The following ABCB9 variants were observed in gnomAD, a reference collection of about 807,000 sequenced individuals.
ABCB9 encodes the protein ABC-type oligopeptide transporter ABCB9.
Under a neutral mutation model 62.0 loss-of-function variants are expected in ABCB9, and 36 were observed. The ratio of observed to expected loss-of-function variants is 0.58; its 90% CI spans 0.45 to 0.77. The LOEUF is 0.77. Among genes scored for constraint, ABCB9 ranks in the 30% least tolerant of loss-of-function variants. The pLI, the probability that ABCB9 is intolerant of heterozygous loss-of-function variation, is 0.00. For synonymous variants in ABCB9, 435 were observed against 461.4 expected (o/e 0.94, Z 0.73); for missense variants, 943 against 1,054.7 (o/e 0.89, Z 1.47).
At chr12:122,934,430 C>T (rs944236479) in intron 10 of ABCB9, among the ~76,000 whole-genome samples, 7 of 151,936 alleles carry the variant, frequency 4.6e-5, no homozygotes, top group African/African-American at 1.4e-4. Flanking sequence ...TACAATGGCT[C>T]ATGCCTGTAA....
chr12:122,924,771 C>T, downstream of ABCB9: 1 of 1,534,640 alleles, frequency 6.5e-7, no homozygotes, highest in Non-Finnish European at 8.7e-7. Context: ...GTTCCCAAAG[C>T]CCTCGACTGC....
At chr12:122,939,056 C>T (rs1017778088) in intron 9 of ABCB9, among the ~76,000 whole-genome samples, 5 of 151,890 alleles carry the variant, frequency 3.3e-5, no homozygotes, top group Non-Finnish European at 7.4e-5. Flanking sequence ...CCTGTAATCC[C>T]AGCTACTAGG....
At position 122,932,479 on chromosome 12, in the gene ABCB9, C is replaced by CA. The variant is rs2035231955; in HGVS notation, c.1904-152dup. On this transcript the variant is annotated intron_variant, in intron 10 of 11. Transcript: ENST00000280560. The surrounding 1 kb of genome is among the most constrained non-coding windows in gnomAD (Gnocchi z 4.7). ...GAAATGATGTTCCCCCCACCCAACTCATAAGGGGCATGCAGATTAAGCCTA... is the reference window on the plus strand; with the variant it reads ...GAAATGATGTTCCCCCCACCCAACTCAATAAGGGGCATGCAGATTAAGCCTA... 8.6e-6 allele frequency: 9 copies of CA among 1,047,220 alleles called. No homozygotes were observed. In the East Asian group the frequency reaches 2.4e-4, roughly 28 times the overall value. 64.9% of individuals were successfully genotyped at this position (1,047,220 alleles called of 1,614,324 possible).
chr12:122,974,301 G>A (rs964490719), intron 1 of ABCB9, among the ~76,000 whole-genome samples: 1 of 152,130 alleles, frequency 6.6e-6, no homozygotes. Context: ...ACTGTAAAAC[G>A]TTAAACACCT....
chr12:122,958,700 G>A (rs927911532), intron 2 of ABCB9, among the ~76,000 whole-genome samples: 2 of 151,994 alleles, frequency 1.3e-5, no homozygotes, highest in African/African-American at 2.4e-5. Flanking sequence ...TTAATTAGCT[G>A]GGTGTGGTGC....
rs1053541057 is a variant in ABCB9, at chr12:122,964,543, G to A, written c.-88+1744C>T. ...GCAGAGTGGACTCCAGCCCCGGGTC[G>A]GGTTACAGTCCTCGGTGGGGACAGT... On this transcript the variant is annotated intron_variant, in intron 1 of 11. Transcript: ENST00000280560. This position sits in a 1 kb window ranked among gnomAD's most constrained non-coding sequence, Gnocchi z 4.7. Among the ~76,000 whole-genome samples the A allele has an allele frequency of 9.2e-5, 14 of 152,186 alleles. No individual in the cohort carries two copies. The highest frequency in any genetic ancestry group is 1.3e-4 in the Non-Finnish European group (9 of 68,030).
downstream of ABCB9, chr12:122,924,723 G>A: frequency 6.5e-7 from 1 of 1,532,226 alleles, no homozygotes; most frequent in Non-Finnish European, 8.7e-7. Context: ...TCTCATCCCT[G>A]CTTGTTTTCC....
At chr12:122,921,731 C>G (rs574901789) in intron 11 of ABCB9, among the ~76,000 whole-genome samples, 7 of 152,062 alleles carry the variant, frequency 4.6e-5, no homozygotes, top group Middle Eastern at 3.4e-3. Context: ...GAGCGGAGAT[C>G]GCGCCACTGC....
At chr12:122,942,350 G>A (rs973155986) in intron 7 of ABCB9, among the ~76,000 whole-genome samples, 1 of 152,060 alleles carries the variant, frequency 6.6e-6, no homozygotes, top group Non-Finnish European at 1.5e-5. Context: ...CACTTTGGGA[G>A]GCGGAGGCAG....
chr12:122,924,998 C>T (rs2034851723), downstream of ABCB9, among the ~76,000 whole-genome samples: 1 of 152,132 alleles, frequency 6.6e-6, no homozygotes, highest in Admixed American at 6.5e-5. Context: ...CTCACCACAA[C>T]CTCCACCTTC....
At chr12:122,926,243 AAAC>A (rs2034901981), downstream of ABCB9, among the ~76,000 whole-genome samples, 1 of 152,156 alleles carries the variant, frequency 6.6e-6, no homozygotes, top group Non-Finnish European at 1.5e-5. Context: ...GCTGCAATAA[AAAC>A]AATTTTAAAA....
chr12:122,923,696 G>A (rs915203652), intron 11 of ABCB9, among the ~76,000 whole-genome samples: 3 of 152,152 alleles, frequency 2.0e-5, no homozygotes, highest in Non-Finnish European at 2.9e-5. Flanking sequence ...AATACCACAC[G>A]TTTCCCACAA....
chr12:122,934,281 C>T (rs2035343431), intron 10 of ABCB9, among the ~76,000 whole-genome samples: 1 of 152,150 alleles, frequency 6.6e-6, no homozygotes, highest in African/African-American at 2.4e-5. Context: ...CTATAGTCAA[C>T]AGGTCTCTTG....
In ABCB9 at chr12:122,932,323, CT is replaced by C; in HGVS notation, c.1908del (p.Glu638ArgfsTer43). 6.4e-7 allele frequency: 1 copy of C among 1,550,810 alleles called. No individual in the cohort carries two copies. The highest frequency in any genetic ancestry group is 8.7e-7 in the Non-Finnish European group (1 of 1,146,832). ...MELQDGYSTE[T>X]GEKGAQLSGG... ...CCTGACAGCTGGGCGCCCTTCTCCC[CT>C]GTCTCTGTATGGTGGAGGCACAGAG... On this transcript the variant is annotated frameshift_variant, in exon 11 of 12. Transcript: ENST00000280560. LOFTEE classifies it high-confidence loss of function. This position sits in a 1 kb window ranked among gnomAD's most constrained non-coding sequence, Gnocchi z 4.7.
downstream of ABCB9, chr12:122,924,661 C>T: frequency 6.7e-7 from 1 of 1,496,846 alleles, no homozygotes. Context: ...TAAACTAAGT[C>T]CTGGCGCCAG....
chr12:122,935,971 A>T (rs1566160786), intron 9 of ABCB9, among the ~76,000 whole-genome samples: 1 of 152,124 alleles, frequency 6.6e-6, no homozygotes, highest in Non-Finnish European at 1.5e-5. Context: ...TTAGGGAGGC[A>T]GAGGCAGGAG....
chr12:122,930,055 C>T lies in ABCB9; in HGVS notation c.2157G>A (p.Val719=). ...LIVVLDKGRV[V]QQGTHQQLLA... ...GCAGCTGCTGGTGGGTGCCCTGCTG[C>T]ACTACGCGGCCCTTGTCCAGCACCA... is the stretch of plus-strand genomic sequence containing the variant. The change falls in exon 12 of 12, where the codon GTG becomes GTA. Residue 719 remains valine, a synonymous_variant. Coordinates refer to ENST00000280560, the MANE Select transcript of ABCB9 (RefSeq NM_019625.4). The surrounding 1 kb of genome is among the most constrained non-coding windows in gnomAD (Gnocchi z 4.9). The T allele has an allele frequency of 1.3e-6, 2 of 1,569,368 alleles. No homozygotes were observed. Among genetic ancestry groups the T allele is most frequent in the Non-Finnish European group, 1.7e-6 (2 of 1,157,816 alleles).
downstream of ABCB9, among the ~76,000 whole-genome samples, chr12:122,919,681 T>C (rs2034700102): frequency 1.3e-5 from 2 of 152,080 alleles, no homozygotes; most frequent in African/African-American, 2.4e-5. Flanking sequence ...CAGTAGGATG[T>C]AGGTGATCTC....
At chr12:122,948,597 T>C in intron 5 of ABCB9, 27 bp downstream of exon 5, 1 of 1,582,774 alleles carries the variant, frequency 6.3e-7, no homozygotes, top group Non-Finnish European at 8.6e-7. Context: ...GGGTGCACAG[T>C]CCCCAGCAGA....
Sources: allele counts gnomAD v4.1 joint callset (sites outside exome capture counted in the v4.1 genomes callset), GRCh38; gene constraint gnomAD v4.1.1; non-coding constraint Gnocchi (gnomAD v3.1); transcripts MANE v1.5; gene names NCBI Gene and HGNC (gene_info 2026-07-23, HGNC 2026-07-21).